The following SCN10A variants were observed in gnomAD, a reference collection of about 807,000 sequenced individuals.
SCN10A encodes the protein sodium voltage-gated channel alpha subunit 10.
In SCN10A, 162 loss-of-function variants were observed where a neutral mutation model predicts 170.7. The ratio of observed to expected loss-of-function variants is 0.95; its 90% CI spans 0.84 to 1.08. The LOEUF (loss-of-function observed/expected upper bound fraction) is 1.08, where lower values mean the gene tolerates loss of function less well. SCN10A is among the 50% of genes least tolerant of loss of function. The pLI is 0.00. For synonymous variants in SCN10A, 985 were observed against 904.6 expected, an observed-to-expected ratio of 1.09 and a Z score of -1.59; for missense variants, 2,527 against 2,436.9, an observed-to-expected ratio of 1.04 and a Z score of -0.78.
At chr3:38,801,332 T>C (rs1172630302) in intron 1 of SCN10A, among the ~76,000 whole-genome samples, 2 of 152,190 alleles carry the variant, frequency 1.3e-5, no homozygotes. Context: ...TAATTATCCC[T>C]TTTTGTCTCC....
intron 22 of SCN10A, 51 bp downstream of exon 22, chr3:38,713,907 C>T (rs2063302503): frequency 3.1e-6 from 5 of 1,605,256 alleles, no homozygotes; most frequent in South Asian, 1.1e-5. Flanking sequence ...GGATTACAGG[C>T]ATGAACCACC....
rs533123408 is a variant in SCN10A at position 38,794,147 on chromosome 3, C to A, written c.-32-105G>T. 40 of 769,732 alleles carry A rather than the reference C, an allele frequency of 5.2e-5. 1 individual carries two copies. In the South Asian group the frequency reaches 6.1e-4, roughly 12 times the overall value. The allele number at this position is 769,732 out of a possible 1,614,324, so 47.7% of individuals were successfully genotyped here. A position where few individuals can be genotyped will look rare whatever the true frequency, so the allele number is the denominator to read the frequency against. ...GTCAGAACAGCCCTTCTCCCACCCT[C>A]ATATCTGGCCCCTCCCTGAACTCAC... On this transcript the variant is annotated intron_variant, in intron 1 of 27. Transcript: ENST00000449082.
chr3:38,702,089 G>C lies in SCN10A; in HGVS notation c.4407C>G (p.Val1469=). The C allele has an allele frequency of 3.2e-6, 5 of 1,564,070 alleles. No individual in the cohort carries two copies. The highest frequency in any genetic ancestry group is 4.3e-6 in the Non-Finnish European group (5 of 1,156,464). Residue 1469 remains valine (V), a synonymous_variant, in exon 27 of 28, where the codon GTC becomes GTG. Coordinates refer to ENST00000449082, the MANE Select transcript of SCN10A (RefSeq NM_006514.4). ...AAGCTTGTCTGGTCACGATGTCAAA[G>C]ACAAAACCCTGGAACTTGTTCTGAG... ...PRPLNKFQGF[V]FDIVTRQAFD...
rs73826305 is a variant in SCN10A at position 38,733,453 on chromosome 3, A to G, written c.2281-4552T>C. Among the ~76,000 whole-genome samples, 644 of 152,346 alleles carry G rather than the reference A, an allele frequency of 4.2e-3. 2 individuals are homozygous for G. The highest frequency in any genetic ancestry group is 0.015 in the African/African-American group (609 of 41,582). Reference sequence around the variant, plus strand: ...TAAAAATTTTTATAAACAAGATAAAATTAAAATACTTATCATTACAATAAA... The same window carrying G: ...TAAAAATTTTTATAAACAAGATAAAGTTAAAATACTTATCATTACAATAAA... On this transcript the variant is annotated intron_variant, in intron 15 of 27. Coordinates refer to ENST00000449082, the MANE Select transcript of SCN10A (RefSeq NM_006514.4).
At chr3:38,785,541 C>A (rs1271579557) in intron 4 of SCN10A, among the ~76,000 whole-genome samples, 3 of 152,040 alleles carry the variant, frequency 2.0e-5, no homozygotes, top group South Asian at 2.1e-4. Flanking sequence ...AGAAGAAAAC[C>A]TAGGCAATAC....
At chr3:38,773,528 G>A (rs2064035167) in intron 4 of SCN10A, among the ~76,000 whole-genome samples, 1 of 152,128 alleles carries the variant, frequency 6.6e-6, no homozygotes, top group South Asian at 2.1e-4. Flanking sequence ...CCTGATGTGT[G>A]CAAATAAATT....
chr3:38,740,582 TC>T (rs896863889), intron 14 of SCN10A, among the ~76,000 whole-genome samples: 2 of 152,098 alleles, frequency 1.3e-5, no homozygotes, highest in African/African-American at 4.8e-5. Flanking sequence ...AGGGTTGAGG[TC>T]TTGTGTCTTC....
chr3:38,708,995 T>C (rs2063241310), intron 25 of SCN10A, among the ~76,000 whole-genome samples: 1 of 152,222 alleles, frequency 6.6e-6, no homozygotes, highest in Admixed American at 6.5e-5. Flanking sequence ...TGAGAGGTTA[T>C]CTGGGATTCG....
At chr3:38,737,796 T>TCCTC in intron 15 of SCN10A, among the ~76,000 whole-genome samples, 1 of 23,368 alleles carries the variant, frequency 4.3e-5, no homozygotes, top group Admixed American at 5.4e-4. Flanking sequence ...CTCCCTCCCT[T>TCCTC]CCTCTTTCTT....
At chr3:38,747,929 T>C (rs1301279115) in intron 13 of SCN10A, among the ~76,000 whole-genome samples, 1 of 152,186 alleles carries the variant, frequency 6.6e-6, no homozygotes, top group African/African-American at 2.4e-5. Flanking sequence ...TCATCTTTCA[T>C]GTCCCCTTCC....
rs935343816 is a variant in SCN10A, at chr3:38,723,623, G to A, written c.3229-70C>T. The A allele has an allele frequency of 8.5e-6, 13 of 1,525,828 alleles. No individual in the cohort carries two copies. The African/African-American group carries it at 1.8e-4, about 21-fold the overall frequency. The allele number at this position is 1,525,828 out of a possible 1,614,324, so 94.5% of individuals were successfully genotyped here. On this transcript the variant is annotated intron_variant, in intron 18 of 27. Transcript: ENST00000449082. ...GCCCGGGGAATTGCACACGGTCACT[G>A]CAGGTTCAACTGCACCCATGTTTGG...
At chr3:38,785,742 G>C (rs1373617721) in intron 4 of SCN10A, among the ~76,000 whole-genome samples, 2 of 152,070 alleles carry the variant, frequency 1.3e-5, no homozygotes, top group Non-Finnish European at 2.9e-5. Context: ...ATCTGACAAA[G>C]GGCTAATATC....
chr3:38,736,853 C>T (rs2063566114), intron 15 of SCN10A, among the ~76,000 whole-genome samples: 1 of 151,278 alleles, frequency 6.6e-6, no homozygotes, highest in Non-Finnish European at 1.5e-5. Context: ...GTGAAGTAAA[C>T]TTGCCTATTT....
At position 38,701,535 on chromosome 3, in the gene SCN10A, T is replaced by G. The variant is rs74548823; in HGVS notation, c.4657+304A>C. Among the ~76,000 whole-genome samples, 664 of 152,274 alleles carry G rather than the reference T, an allele frequency of 4.4e-3. 7 individuals are homozygous for G. The highest frequency in any genetic ancestry group is 0.015 in the African/African-American group (620 of 41,564). On this transcript the variant is annotated intron_variant, in intron 27 of 27. Coordinates refer to ENST00000449082, the MANE Select transcript of SCN10A (RefSeq NM_006514.4). ...GACTCCATCATCTTACGGTCTGAGGTTCTCAGGAGGAGTGATTATTCCCTG... is the reference window on the plus strand; with the variant it reads ...GACTCCATCATCTTACGGTCTGAGGGTCTCAGGAGGAGTGATTATTCCCTG...
chr3:38,746,702 T>C (rs532587981), intron 13 of SCN10A, among the ~76,000 whole-genome samples: 2 of 152,304 alleles, frequency 1.3e-5, no homozygotes, highest in Non-Finnish European at 2.9e-5. Flanking sequence ...CTTCAAATGT[T>C]ATTCTCTCTT....
At chr3:38,737,798 C>CTCTTTCTTTCTT (rs1166425687) in intron 15 of SCN10A, among the ~76,000 whole-genome samples, 7,043 of 93,478 alleles carry the variant, frequency 0.075, 348 homozygotes, top group East Asian at 0.13. Flanking sequence ...CCCTCCCTTC[C>CTCTTTCTTTCTT]TCTTTCTTTC....
rs1231743048 is a variant in SCN10A, at chr3:38,719,539, G to A, written c.3508-713C>T. Among the ~76,000 whole-genome samples the A allele has an allele frequency of 3.3e-5, 5 of 150,496 alleles. No individual in the cohort carries two copies. In the East Asian group the frequency reaches 7.8e-4, roughly 24 times the overall value. ...CTCCCAAGTAGCTGGGACTACAGGC[G>A]CCCGCCACTACGCCCGGCTAATTTT... is the stretch of plus-strand genomic sequence containing the variant. On this transcript the variant is annotated intron_variant, in intron 20 of 27. Coordinates refer to ENST00000449082, the MANE Select transcript of SCN10A (RefSeq NM_006514.4).
In SCN10A at chr3:38,791,037, T is replaced by C. The variant is rs1336003186; in HGVS notation, c.389+1013A>G. 2.0e-5 allele frequency among the ~76,000 whole-genome samples: 3 copies of C among 152,208 alleles called. 1 individual carries two copies. The highest frequency in any genetic ancestry group is 1.3e-4 in the Admixed American group (2 of 15,276). The stretch of plus-strand genomic sequence containing the variant: ...TGCAGATAGATGACTGTGCCAAGGT[T>C]ACCAGCTCAATGACAACTGTCCAGA... On this transcript the variant is annotated intron_variant, in intron 3 of 27. Coordinates refer to ENST00000449082, the MANE Select transcript of SCN10A (RefSeq NM_006514.4).
At chr3:38,787,458 A>G (rs1029872847) in intron 4 of SCN10A, among the ~76,000 whole-genome samples, 4 of 151,774 alleles carry the variant, frequency 2.6e-5, no homozygotes, top group African/African-American at 9.7e-5. Context: ...TTATCTGTAA[A>G]TTACATCTTC....
Sources: allele counts gnomAD v4.1 joint callset (sites outside exome capture counted in the v4.1 genomes callset), GRCh38; gene constraint gnomAD v4.1.1; transcripts MANE v1.5; gene names NCBI Gene and HGNC (gene_info 2026-07-23, HGNC 2026-07-21).